Variants in SNTG1 observed in about 807,000 individuals in gnomAD.
SNTG1 encodes the protein syntrophin gamma 1.
Under a neutral mutation model 74.7 loss-of-function variants are expected in SNTG1, and 39 were observed. That is an observed-to-expected ratio of 0.52 (90% CI 0.40 to 0.68). The LOEUF is 0.68. Among genes scored for constraint, SNTG1 ranks in the 30% least tolerant of loss-of-function variants. SNTG1 has a pLI of 0.00. For synonymous variants in SNTG1, 254 were observed against 217.1 expected, an observed-to-expected ratio of 1.17 and a Z score of -1.49; for missense variants, 685 against 609.5, an observed-to-expected ratio of 1.12 and a Z score of -1.30.
intron 1 of SNTG1, among the ~76,000 whole-genome samples, chr8:50,046,885 A>G (rs1265012914): frequency 1.3e-5 from 2 of 152,164 alleles, no homozygotes; most frequent in Non-Finnish European, 2.9e-5. Context: ...GCCTTTATAC[A>G]AATAAGTTTT....
Position 50,299,491 on chromosome 8 carries a change from G to A in SNTG1, c.-27-94721G>A, listed in dbSNP as rs75811846. 8.6e-3 allele frequency among the ~76,000 whole-genome samples: 1,307 copies of A among 152,206 alleles called. 23 individuals carry two copies. The highest frequency in any genetic ancestry group is 0.03 in the African/African-American group (1,240 of 41,532). On this transcript the variant is annotated intron_variant, in intron 2 of 18. Transcript: ENST00000642720. ...TTCAAATAGTCTTTTGGGGAACAAA[G>A]AGACATCATAGGGTAATGGAATCCT...
intron 15 of SNTG1, among the ~76,000 whole-genome samples, chr8:50,692,343 A>T (rs751741731): frequency 3.3e-5 from 5 of 151,998 alleles, no homozygotes; most frequent in Non-Finnish European, 7.4e-5. Context: ...TAGGGTTTCC[A>T]GTTTTTCTGC....
chr8:50,353,883 A>T (rs1301453820), intron 2 of SNTG1, among the ~76,000 whole-genome samples: 1 of 152,222 alleles, frequency 6.6e-6, no homozygotes, highest in African/African-American at 2.4e-5. Flanking sequence ...TTCAGCAACA[A>T]ATCACATGCT....
At chr8:50,552,689 C>A (rs899853663) in intron 11 of SNTG1, among the ~76,000 whole-genome samples, 7 of 152,200 alleles carry the variant, frequency 4.6e-5, no homozygotes, top group Middle Eastern at 3.4e-3. Flanking sequence ...TAAGAGGAGA[C>A]AATGGTAGCC....
intron 1 of SNTG1, among the ~76,000 whole-genome samples, chr8:50,000,891 T>A (rs923615070): frequency 6.6e-6 from 1 of 152,222 alleles, no homozygotes; most frequent in African/African-American, 2.4e-5. Context: ...ATATCTGAAC[T>A]CTTGGCCCTC....
chr8:50,240,061 C>A (rs569246741), intron 2 of SNTG1, among the ~76,000 whole-genome samples: 2 of 152,224 alleles, frequency 1.3e-5, no homozygotes, highest in South Asian at 4.1e-4. Context: ...ACAGTTAATG[C>A]TAAAGATATT....
At chr8:50,281,461 C>T (rs940038161) in intron 2 of SNTG1, among the ~76,000 whole-genome samples, 4 of 152,262 alleles carry the variant, frequency 2.6e-5, no homozygotes, top group East Asian at 1.9e-4. Context: ...GCTGTTGTAG[C>T]GATTTCTCTG....
intron 15 of SNTG1, among the ~76,000 whole-genome samples, chr8:50,700,662 C>A (rs2095420377): frequency 6.6e-6 from 1 of 151,288 alleles, no homozygotes; most frequent in African/African-American, 2.5e-5. Flanking sequence ...ACTACAGTCT[C>A]TCCCTACAAT....
chr8:50,271,727 T>C (rs2087790143), intron 2 of SNTG1, among the ~76,000 whole-genome samples: 1 of 152,172 alleles, frequency 6.6e-6, no homozygotes, highest in African/African-American at 2.4e-5. Context: ...AAAATTCCAT[T>C]ACTAAGATTC....
intron 15 of SNTG1, among the ~76,000 whole-genome samples, chr8:50,661,884 G>A (rs2095225688): frequency 6.6e-6 from 1 of 152,142 alleles, no homozygotes; most frequent in African/African-American, 2.4e-5. Flanking sequence ...GGTGCTTTAT[G>A]CTTTGTGGCT....
Position 50,708,882 on chromosome 8 carries a change from C to T in SNTG1, c.1192-4C>T, listed in dbSNP as rs753729391. The stretch of plus-strand genomic sequence containing the variant: ...AAAGTAACAATACTTTCTGTTCTAC[C>T]TAGTGCAAGACCTATGCATGTGTGC... On this transcript the variant is annotated splice_region_variant and splice_polypyrimidine_tract_variant and intron_variant, in intron 16 of 18. Coordinates refer to ENST00000642720, the MANE Select transcript of SNTG1 (RefSeq NM_018967.5). The T allele has an allele frequency of 1.8e-5, 29 of 1,603,020 alleles. No individual in the cohort carries two copies. In the South Asian group the frequency reaches 3.1e-4, roughly 17 times the overall value.
chr8:50,211,157 T>G (rs1402521213), intron 2 of SNTG1, among the ~76,000 whole-genome samples: 1 of 152,112 alleles, frequency 6.6e-6, no homozygotes, highest in Non-Finnish European at 1.5e-5. Context: ...CACAATGGAT[T>G]TTTTAAAATT....
chr8:50,555,802 T>C (rs1286917347), intron 12 of SNTG1, among the ~76,000 whole-genome samples: 1 of 152,174 alleles, frequency 6.6e-6, no homozygotes, highest in Non-Finnish European at 1.5e-5. Context: ...TTAAAAATTA[T>C]GCTATTGAAA....
chr8:50,057,119 A>C (rs932145092), intron 1 of SNTG1, among the ~76,000 whole-genome samples: 1 of 152,166 alleles, frequency 6.6e-6, no homozygotes, highest in Non-Finnish European at 1.5e-5. Flanking sequence ...TAAGAAATAA[A>C]TTACGTGGAC....
chr8:50,675,710 CTG>C, intron 15 of SNTG1, among the ~76,000 whole-genome samples: 1 of 152,032 alleles, frequency 6.6e-6, no homozygotes, highest in East Asian at 1.9e-4. Context: ...ATGATGTTAT[CTG>C]ATTATTTTGG....
intron 1 of SNTG1, among the ~76,000 whole-genome samples, chr8:50,052,945 C>T (rs1262925823): frequency 6.6e-6 from 1 of 152,112 alleles, no homozygotes; most frequent in Non-Finnish European, 1.5e-5. Flanking sequence ...GGAATTGGAA[C>T]ACTCTTATAT....
At chr8:50,724,932 G>C (rs1039541704) in intron 17 of SNTG1, among the ~76,000 whole-genome samples, 10 of 152,036 alleles carry the variant, frequency 6.6e-5, no homozygotes. Flanking sequence ...ACAGTTATTA[G>C]AGTTAACAGA....
At chr8:50,053,223 T>C (rs1472035166) in intron 1 of SNTG1, among the ~76,000 whole-genome samples, 1 of 152,110 alleles carries the variant, frequency 6.6e-6, no homozygotes, top group Non-Finnish European at 1.5e-5. Flanking sequence ...GTGGAATGCT[T>C]TTACAAGGGA....
chr8:50,251,522 G>T (rs1586845713), intron 2 of SNTG1, among the ~76,000 whole-genome samples: 1 of 151,544 alleles, frequency 6.6e-6, no homozygotes, highest in Non-Finnish European at 1.5e-5. Context: ...GAAAGTAAAA[G>T]GATGGAAAAA....
Sources: gnomAD v4.1 joint callset for allele counts (sites outside exome capture counted in the v4.1 genomes callset) on GRCh38, gnomAD v4.1.1 for gene constraint, MANE v1.5 for transcripts, NCBI Gene and HGNC (gene_info 2026-07-23, HGNC 2026-07-21) for gene names.